Variants in SPATA13 observed in about 807,000 individuals in gnomAD.
SPATA13 encodes spermatogenesis associated 13.
In SPATA13, 50 loss-of-function variants were observed where a neutral mutation model predicts 104.0. That is an observed-to-expected ratio of 0.48 (90% CI 0.38 to 0.61). SPATA13 has a LOEUF of 0.61. Among genes scored for constraint, SPATA13 ranks in the 20% least tolerant of loss-of-function variants. The pLI, the probability that SPATA13 is intolerant of heterozygous loss-of-function variation, is 0.00. For synonymous variants in SPATA13, 606 were observed against 667.5 expected, an observed-to-expected ratio of 0.91 and a Z score of 1.42; for missense variants, 1,524 against 1,690.6, an observed-to-expected ratio of 0.90 and a Z score of 1.73.
intron 3 of SPATA13, among the ~76,000 whole-genome samples, chr13:24,119,158 C>T (rs921929429): frequency 2.6e-5 from 4 of 152,082 alleles, no homozygotes; most frequent in African/African-American, 9.7e-5. Context: ...CTGCCCGCCT[C>T]GGCCTCCCAA....
At chr13:24,227,205 A>G (rs941853699) in intron 2 of SPATA13, among the ~76,000 whole-genome samples, 1 of 152,132 alleles carries the variant, frequency 6.6e-6, no homozygotes, top group Non-Finnish European at 1.5e-5. Context: ...CCTCCCTAAA[A>G]AAGGATTTGT....
chr13:23,999,146 C>T (rs1185127533), intron 2 of SPATA13, among the ~76,000 whole-genome samples: 2 of 151,966 alleles, frequency 1.3e-5, no homozygotes, highest in East Asian at 1.9e-4. Flanking sequence ...AGGCTGGTCT[C>T]GAACTCCTGA....
At chr13:24,037,431 A>G (rs931796915) in intron 3 of SPATA13, among the ~76,000 whole-genome samples, 6 of 151,936 alleles carry the variant, frequency 3.9e-5, no homozygotes, top group South Asian at 2.1e-4. Context: ...TATTTGAGAT[A>G]GAGTCTCGCT....
chr13:24,014,068 CA>C (rs1445514238), intron 2 of SPATA13, among the ~76,000 whole-genome samples: 1 of 152,148 alleles, frequency 6.6e-6, no homozygotes, highest in Non-Finnish European at 1.5e-5. Flanking sequence ...GTGGCTTTGA[CA>C]ACAGAAATGG....
chr13:24,126,625 T>C (rs1268972330), intron 3 of SPATA13, among the ~76,000 whole-genome samples: 1 of 152,186 alleles, frequency 6.6e-6, no homozygotes, highest in East Asian at 1.9e-4. Context: ...GGTATGAATA[T>C]GGCTCACTGC....
chr13:24,065,324 G>T (rs554346250), intron 3 of SPATA13, among the ~76,000 whole-genome samples: 299 of 152,260 alleles, frequency 2.0e-3, no homozygotes, highest in African/African-American at 6.8e-3. Context: ...TGGTGGAGAA[G>T]GTTGTATGAG....
chr13:24,085,749 C>A (rs1196200713), intron 3 of SPATA13, among the ~76,000 whole-genome samples: 2 of 152,230 alleles, frequency 1.3e-5, no homozygotes, highest in Non-Finnish European at 2.9e-5. Context: ...ACTCAGCCAG[C>A]CTCTGTGGGA....
At chr13:24,098,962 C>T (rs1297576920) in intron 3 of SPATA13, among the ~76,000 whole-genome samples, 3 of 151,308 alleles carry the variant, frequency 2.0e-5, no homozygotes, top group Non-Finnish European at 2.9e-5. Context: ...ATTAGCCAAG[C>T]GTAATGTCAT....
In SPATA13 at chr13:24,286,846, C is replaced by T. The variant is rs150738256; in HGVS notation, c.2563C>T (p.Arg855Cys). 49 of 1,613,590 alleles carry T rather than the reference C, an allele frequency of 3.0e-5. No homozygotes were observed. Among genetic ancestry groups the T allele is most frequent in the South Asian group, 7.7e-5 (7 of 91,070 alleles). Residue 855 changes from arginine (R) to cysteine (C), a missense_variant, in exon 7 of 13, where the codon CGC becomes TGC. By Grantham distance (180) the Arg-to-Cys change is radical (BLOSUM62 -3). Transcript: ENST00000382108. The surrounding 1 kb of genome is among the most constrained non-coding windows in gnomAD (Gnocchi z 4.9). ...GCAGGACGAGGAGGCCAGCCAGAGC[C>T]GCCACAGACACTGTGAGAACAAGCA... ...EEQDEEASQS[R>C]HRHCENKQQM...
At chr13:24,231,364 T>C (rs1314136046) in intron 2 of SPATA13, among the ~76,000 whole-genome samples, 1 of 152,192 alleles carries the variant, frequency 6.6e-6, no homozygotes, top group Non-Finnish European at 1.5e-5. Context: ...ACGTGGTCTT[T>C]TGTGACTGGC....
At position 24,088,967 on chromosome 13, in the gene SPATA13, G is replaced by A. The variant is rs1287115359; in HGVS notation, c.-112+71266G>A. 2.0e-5 allele frequency among the ~76,000 whole-genome samples: 3 copies of A among 152,190 alleles called. No individual in the cohort carries two copies. Among genetic ancestry groups the A allele is most frequent in the East Asian group, 1.9e-4 (1 of 5,196 alleles). On this transcript the variant is annotated intron_variant, in intron 3 of 14. Transcript: ENST00000424834. The surrounding 1 kb of genome is among the most constrained non-coding windows in gnomAD (Gnocchi z 4.3). ...GTCTGGAGACAGGGATGCGGTCATC[G>A]ACAGCTCTGGGTTTATGACAAAAGA... is the stretch of plus-strand genomic sequence containing the variant.
At chr13:24,270,836 T>C in intron 4 of SPATA13, 1 of 1,612,764 alleles carries the variant, frequency 6.2e-7, no homozygotes, top group Non-Finnish European at 8.5e-7. Context: ...GCTCTGAAGG[T>C]TGCCGTTTTC....
intron 3 of SPATA13, among the ~76,000 whole-genome samples, chr13:24,022,684 G>T (rs1024085200): frequency 2.0e-5 from 3 of 152,164 alleles, no homozygotes; most frequent in African/African-American, 7.2e-5. Flanking sequence ...CCATCTACAG[G>T]AAGTGGAATG....
intron 3 of SPATA13, among the ~76,000 whole-genome samples, chr13:24,063,090 C>T (rs1374236061): frequency 6.6e-6 from 1 of 151,812 alleles, no homozygotes; most frequent in Admixed American, 6.6e-5. Context: ...GAGACCCAGC[C>T]CTGCCCTCTG....
At chr13:24,147,061 T>G (rs1376673758) in intron 3 of SPATA13, among the ~76,000 whole-genome samples, 4 of 152,338 alleles carry the variant, frequency 2.6e-5, no homozygotes, top group South Asian at 2.1e-4. Flanking sequence ...TATTTTCCGC[T>G]GCCCATAACT....
rs1247807717 is a variant in SPATA13, at chr13:24,205,553, T to C, written c.-111-17266T>C. Among the ~76,000 whole-genome samples the C allele has an allele frequency of 7.2e-5, 11 of 152,326 alleles. No homozygotes were observed. In the East Asian group the frequency reaches 1.9e-3, roughly 27 times the overall value. On this transcript the variant is annotated intron_variant, in intron 1 of 12. Transcript: ENST00000382108. This position sits in a 1 kb window ranked among gnomAD's most constrained non-coding sequence, Gnocchi z 4.1. ...AATGCTATTCTGATTAAATTACCAT[T>C]AACATTCTTCACAGAATTAGAAAAA...
chr13:24,196,810 C>T (rs1036793045), intron 1 of SPATA13, among the ~76,000 whole-genome samples: 13 of 151,968 alleles, frequency 8.6e-5, no homozygotes, highest in Non-Finnish European at 1.6e-4. Flanking sequence ...TATTTACTTT[C>T]CTGAAGAAAA....
Position 24,297,347 on chromosome 13 carries a change from G to A in SPATA13, c.3211-16G>A, listed in dbSNP as rs1876854876. On this transcript the variant is annotated splice_polypyrimidine_tract_variant and intron_variant, in intron 10 of 12. Coordinates refer to ENST00000382108, the MANE Select transcript of SPATA13 (RefSeq NM_001166271.3). ...GTAGAATTGGAAGGTCTTAAGATGT[G>A]TTTTCATCCTTCCAGGGACTGGATA... is the stretch of plus-strand genomic sequence containing the variant. 1.9e-6 allele frequency: 3 copies of A among 1,596,342 alleles called. No homozygotes were observed. Among genetic ancestry groups the A allele is most frequent in the Non-Finnish European group, 2.6e-6 (3 of 1,171,534 alleles).
chr13:24,269,547 T>C (rs995829791), intron 4 of SPATA13, among the ~76,000 whole-genome samples: 1 of 151,732 alleles, frequency 6.6e-6, no homozygotes, highest in African/African-American at 2.4e-5. Flanking sequence ...ATGACAGGCA[T>C]GTGCCACTCT....
Sources: gnomAD v4.1 joint callset for allele counts (sites outside exome capture counted in the v4.1 genomes callset) on GRCh38, gnomAD v4.1.1 for gene constraint, Gnocchi (gnomAD v3.1) non-coding constraint, MANE v1.5 for transcripts, NCBI Gene and HGNC (gene_info 2026-07-23, HGNC 2026-07-21) for gene names.